The following MAP3K20 variants were observed in gnomAD, a reference collection of about 807,000 sequenced individuals.
MAP3K20 encodes the protein HCCS-4.
Under a neutral mutation model 85.7 loss-of-function variants are expected in MAP3K20, and 40 were observed. That is an observed-to-expected ratio of 0.47 (90% CI 0.36 to 0.61). The LOEUF (loss-of-function observed/expected upper bound fraction) is 0.61, where lower values mean the gene tolerates loss of function less well. Ranked by LOEUF, MAP3K20 falls within the 20% of genes least tolerant of loss-of-function variation. The probability of loss-of-function intolerance (pLI) is 0.00; values close to 1 mark genes in which losing one functional copy is unlikely to be tolerated. For synonymous variants in MAP3K20, 325 were observed against 327.7 expected (o/e 0.99, Z 0.09); for missense variants, 817 against 961.7 (o/e 0.85, Z 1.99).
intron 11 of MAP3K20, chr2:173,221,554 T>A (rs1369751152): frequency 1.4e-6 from 2 of 1,480,392 alleles, no homozygotes; most frequent in East Asian, 4.9e-5. Flanking sequence ...AGTAATAAAA[T>A]CACAAATGTT....
chr2:173,252,271 A>G (rs2106348283), intron 16 of MAP3K20, among the ~76,000 whole-genome samples: 1 of 152,336 alleles, frequency 6.6e-6, no homozygotes, highest in East Asian at 1.9e-4. Flanking sequence ...AGAGATACTT[A>G]ATTTAGCATC....
rs1037758177 is a variant in MAP3K20, at chr2:173,221,386, G to C, written c.987+4136G>C. On this transcript the variant is annotated intron_variant, in intron 11 of 19. Transcript: ENST00000375213. ...TGCAGATAAACATGCAAGCCAAGCA[G>C]AATTCTTCCAAAACCACATCTAAGA... 2.5e-6 allele frequency: 4 copies of C among 1,614,060 alleles called. No individual in the cohort carries two copies. In the Admixed American group the frequency reaches 5.0e-5, roughly 20 times the overall value.
chr2:173,088,152 G>A (rs1027896223), intron 1 of MAP3K20, among the ~76,000 whole-genome samples: 1 of 152,154 alleles, frequency 6.6e-6, no homozygotes, highest in Admixed American at 6.5e-5. Flanking sequence ...GAATGTGTTA[G>A]GAGTGTAAAA....
intron 2 of MAP3K20, among the ~76,000 whole-genome samples, chr2:173,119,159 G>C (rs1456752627): frequency 1.3e-5 from 2 of 152,234 alleles, no homozygotes; most frequent in East Asian, 1.9e-4. Context: ...CAGACTTGGA[G>C]GAGGGCCCCA....
At position 173,127,646 on chromosome 2, in the gene MAP3K20, G is replaced by C. The variant is rs533760348; in HGVS notation, c.159+36456G>C. Among the ~76,000 whole-genome samples, 5 of 151,994 alleles carry C rather than the reference G, an allele frequency of 3.3e-5. No homozygotes were observed. The East Asian group carries it at 7.7e-4, about 23-fold the overall frequency. On this transcript the variant is annotated intron_variant, in intron 2 of 19. Coordinates refer to ENST00000375213, the MANE Select transcript of MAP3K20 (RefSeq NM_016653.3). ...AAAAAATTGCCTAATTCTCAAGTGA[G>C]ATGGGTGTGGGAATTGGAAATAAGG...
chr2:173,259,710 A>G (rs1189299565), intron 17 of MAP3K20, among the ~76,000 whole-genome samples: 2 of 152,230 alleles, frequency 1.3e-5, no homozygotes, highest in African/African-American at 4.8e-5. Flanking sequence ...AGTGGACATC[A>G]AGCAGATTGA....
chr2:173,099,967 C>T (rs887957621), intron 2 of MAP3K20, among the ~76,000 whole-genome samples: 1 of 152,202 alleles, frequency 6.6e-6, no homozygotes, highest in Admixed American at 6.5e-5. Flanking sequence ...AACGATCACT[C>T]GCATCTTCAC....
chr2:173,262,353 A>C (rs1266654919), intron 18 of MAP3K20, among the ~76,000 whole-genome samples: 1 of 152,112 alleles, frequency 6.6e-6, no homozygotes, highest in Non-Finnish European at 1.5e-5. Context: ...TAACCCCAGC[A>C]CTTTGGGAGG....
intron 14 of MAP3K20, 67 bp downstream of exon 14, chr2:173,232,526 C>T: frequency 4.4e-6 from 7 of 1,585,228 alleles, no homozygotes; most frequent in Non-Finnish European, 4.3e-6. Flanking sequence ...TTTTTTGAGG[C>T]AGAGTCTTGC....
At chr2:173,203,610 G>T (rs1220471351) in intron 8 of MAP3K20, among the ~76,000 whole-genome samples, 186 bp from the exon 9 acceptor site, 1 of 152,138 alleles carries the variant, frequency 6.6e-6, no homozygotes, top group Non-Finnish European at 1.5e-5. Context: ...GAAAAAGTAT[G>T]AGTCTTTAGA....
chr2:173,261,385 T>G (rs1296917801), intron 18 of MAP3K20, among the ~76,000 whole-genome samples: 1 of 152,212 alleles, frequency 6.6e-6, no homozygotes, highest in African/African-American at 2.4e-5. Flanking sequence ...TCATTAGTTA[T>G]GGATTGAACA....
At chr2:173,089,237 T>C (rs1687224725) in intron 1 of MAP3K20, among the ~76,000 whole-genome samples, 1 of 152,114 alleles carries the variant, frequency 6.6e-6, no homozygotes, top group Non-Finnish European at 1.5e-5. Context: ...TCCAGATACC[T>C]GTCACCTAGA....
Position 173,266,192 on chromosome 2 carries a change from G to C in MAP3K20, c.1845G>C (p.Val615=). ...FDGQDSYAAA[V]RRPQVPIKYQ... Reference sequence around the variant, plus strand: ...GCCAGGATTCCTACGCTGCTGCTGTGAGACGGCCCCAGGTGCCCATTAAGT... The same window carrying C: ...GCCAGGATTCCTACGCTGCTGCTGTCAGACGGCCCCAGGTGCCCATTAAGT... The change falls in exon 20 of 20, where the codon GTG becomes GTC. Residue 615 remains valine, a synonymous_variant. Coordinates refer to ENST00000375213, the MANE Select transcript of MAP3K20 (RefSeq NM_016653.3). The C allele has an allele frequency of 6.2e-7, 1 of 1,614,072 alleles. No homozygotes were observed. Among genetic ancestry groups the C allele is most frequent in the Non-Finnish European group, 8.5e-7 (1 of 1,180,012 alleles).
chr2:173,258,201 G>A (rs917821274), intron 16 of MAP3K20, among the ~76,000 whole-genome samples: 6 of 151,990 alleles, frequency 3.9e-5, no homozygotes, highest in East Asian at 3.9e-4. Context: ...GTTTTCTTTC[G>A]TATTAAGAGG....
rs1400376328 is a variant in MAP3K20 at position 173,267,505 on chromosome 2, A to T, written c.*755A>T. The T allele has an allele frequency of 6.7e-6, 1 of 150,156 alleles. No homozygotes were observed. The highest frequency in any genetic ancestry group is 1.5e-5 in the Non-Finnish European group (1 of 67,524). 9.3% of individuals were successfully genotyped at this position (150,156 alleles called of 1,614,324 possible). On this transcript the variant is annotated 3_prime_UTR_variant, in exon 20 of 20. Transcript: ENST00000375213. Reference sequence around the variant, plus strand: ...GCTTGTCATTTTTCAGTAATAAAAAAAGTTACTGAATTTAATGTTGAATAT... The same window carrying T: ...GCTTGTCATTTTTCAGTAATAAAAATAGTTACTGAATTTAATGTTGAATAT...
chr2:173,181,017 TA>T (rs1481109146), intron 3 of MAP3K20, among the ~76,000 whole-genome samples: 1 of 151,822 alleles, frequency 6.6e-6, no homozygotes, highest in Non-Finnish European at 1.5e-5. Flanking sequence ...TATCTAGAAC[TA>T]AAAAAAATTA....
chr2:173,233,777 ATTCAT>A (rs1427897110), intron 14 of MAP3K20, among the ~76,000 whole-genome samples: 2 of 152,208 alleles, frequency 1.3e-5, no homozygotes, highest in African/African-American at 4.8e-5. Context: ...AAGAGAGCCC[ATTCAT>A]TTCATTCTGT....
At chr2:173,256,586 T>C (rs563594028) in intron 16 of MAP3K20, among the ~76,000 whole-genome samples, 20 of 152,148 alleles carry the variant, frequency 1.3e-4, no homozygotes, top group Non-Finnish European at 2.6e-4. Flanking sequence ...GGGGTCAAAT[T>C]TGGTACAAAG....
chr2:173,186,091 T>G (rs929403391), intron 4 of MAP3K20, among the ~76,000 whole-genome samples: 2 of 152,246 alleles, frequency 1.3e-5, no homozygotes, highest in African/African-American at 4.8e-5. Flanking sequence ...CATCGTACAC[T>G]AATACTTTAT....
Sources: gnomAD v4.1 joint callset for allele counts (sites outside exome capture counted in the v4.1 genomes callset) on GRCh38, gnomAD v4.1.1 for gene constraint, MANE v1.5 for transcripts, NCBI Gene and HGNC (gene_info 2026-07-23, HGNC 2026-07-21) for gene names.